Variants in PRRC2C observed in about 807,000 individuals in gnomAD.
The protein encoded by PRRC2C is protein PRRC2C.
A neutral mutation model predicts 317.2 loss-of-function variants in PRRC2C; 72 were observed. That is an observed-to-expected ratio of 0.23 (90% CI 0.19 to 0.28). PRRC2C has a LOEUF of 0.28. PRRC2C is among the 10% of genes least tolerant of loss of function. The pLI is 1.00. For missense variants in PRRC2C, 3,074 were observed against 3,459.7 expected (o/e 0.89, Z 2.80); for synonymous variants, 1,296 against 1,205.9 (o/e 1.07, Z -1.55).
intron 24 of PRRC2C, among the ~76,000 whole-genome samples, chr1:171,572,151 TA>T (rs903373973): frequency 2.0e-4 from 30 of 151,970 alleles, no homozygotes; most frequent in South Asian, 6.2e-4. Context: ...TTTTTTAATT[TA>T]AAAAAAAATT....
At position 171,540,675 on chromosome 1, in the gene PRRC2C, C is replaced by T; in HGVS notation, c.3209C>T (p.Pro1070Leu). ...CCTCCCCCACCACCACCTCAGCCACCAGCACCAATTCAGCCACAGTCAGTT... is the reference window on the plus strand; with the variant it reads ...CCTCCCCCACCACCACCTCAGCCACTAGCACCAATTCAGCCACAGTCAGTT... The part of the protein sequence containing the change: ...LPPPPPPPQP[P>L]APIQPQSVPP... Residue 1070 changes from proline (P) to leucine (L), a missense_variant, in exon 16 of 35, where the codon CCA becomes CTA. Pro to Leu is a moderately conservative substitution (Grantham distance 98, BLOSUM62 -3). Coordinates refer to ENST00000647382, the MANE Select transcript of PRRC2C (RefSeq NM_001387844.1). The T allele has an allele frequency of 3.1e-6, 5 of 1,613,976 alleles. No individual in the cohort carries two copies. Among genetic ancestry groups the T allele is most frequent in the South Asian group, 2.2e-5 (2 of 91,072 alleles).
At position 171,579,907 on chromosome 1, in the gene PRRC2C, C is replaced by G. The variant is rs745513806; in HGVS notation, c.7352C>G (p.Ala2451Gly). 5 of 1,598,352 alleles carry G rather than the reference C, an allele frequency of 3.1e-6. No homozygotes were observed. The highest frequency in any genetic ancestry group is 1.8e-5 in the Admixed American group (1 of 56,142). Residue 2451 changes from alanine (A) to glycine (G), a missense_variant, in exon 28 of 35, where the codon GCT becomes GGT. This residue lies in a region of PRRC2C where 490 missense variants were observed against 663.1 expected (regional missense o/e 0.74). Transcript: ENST00000647382. ...GQHQAQLSLGAGPAVSQAQEL... is the reference protein window; with the variant it reads ...GQHQAQLSLGGGPAVSQAQEL... ...CATCAAGCCCAACTGAGTTTGGGGG[C>G]TGGCCCTGCTGTTTCCCAGGCTCAG...
chr1:171,529,923 C>T (rs568318859), intron 11 of PRRC2C, among the ~76,000 whole-genome samples: 1 of 152,310 alleles, frequency 6.6e-6, no homozygotes, highest in South Asian at 2.1e-4. Context: ...TCTGTAATCA[C>T]CCTACTGTGA....
intron 10 of PRRC2C, among the ~76,000 whole-genome samples, 171 bp from the exon 11 acceptor site, chr1:171,527,620 G>C (rs899817761): frequency 6.6e-5 from 10 of 152,038 alleles, no homozygotes; most frequent in African/African-American, 2.4e-4. Flanking sequence ...CCCAGTTGTG[G>C]TGGCAGACGC....
chr1:171,585,293 A>G (rs1649610949), intron 30 of PRRC2C, among the ~76,000 whole-genome samples: 1 of 152,182 alleles, frequency 6.6e-6, no homozygotes, highest in African/African-American at 2.4e-5. Flanking sequence ...TATACATACA[A>G]CAGTGTGGCA....
At chr1:171,577,947 TTTC>T (rs1375765223) in intron 26 of PRRC2C, among the ~76,000 whole-genome samples, 1 of 94,762 alleles carries the variant, frequency 1.1e-5, no homozygotes, top group Non-Finnish European at 2.2e-5. Flanking sequence ...CCAGCTAATT[TTTC>T]TTTTTTTTTT....
At chr1:171,524,336 A>G (rs1185106032) in intron 9 of PRRC2C, among the ~76,000 whole-genome samples, 1 of 152,236 alleles carries the variant, frequency 6.6e-6, no homozygotes, top group African/African-American at 2.4e-5. Flanking sequence ...TTTAAAATAT[A>G]TGGAAGTTTG....
At chr1:171,511,035 A>G (rs1318917232) in intron 1 of PRRC2C, 1 of 152,174 alleles carries the variant, frequency 6.6e-6, no homozygotes, top group Non-Finnish European at 1.5e-5. Flanking sequence ...GAAATTTATA[A>G]AAGTAAAGTG....
At chr1:171,544,167 G>T (rs976431736) in intron 16 of PRRC2C, among the ~76,000 whole-genome samples, 18 of 152,114 alleles carry the variant, frequency 1.2e-4, no homozygotes, top group Admixed American at 6.5e-4. Flanking sequence ...CTGTCACCCA[G>T]GCTGGAGTGC....
chr1:171,485,541 T>G lies in PRRC2C; in HGVS notation c.-252T>G, dbSNP rs1190011974. On this transcript the variant is annotated 5_prime_UTR_variant, in exon 1 of 35. Coordinates refer to ENST00000647382, the MANE Select transcript of PRRC2C (RefSeq NM_001387844.1). ...GGGGCTGGCTAGCCGCCATCTTGCT[T>G]CTTTTTCTCGCTCGCTCGCTCCCCC... is the stretch of plus-strand genomic sequence containing the variant. 2 of 152,796 alleles carry G rather than the reference T, an allele frequency of 1.3e-5. No individual in the cohort carries two copies. Among genetic ancestry groups the G allele is most frequent in the Non-Finnish European group, 1.5e-5 (1 of 68,054 alleles). 9.5% of individuals were successfully genotyped at this position (152,796 alleles called of 1,614,324 possible). A position where few individuals can be genotyped will look rare whatever the true frequency, so the allele number is the denominator to read the frequency against.
intron 1 of PRRC2C, chr1:171,509,791 A>G (rs1390651183): frequency 7.3e-6 from 1 of 137,072 alleles, no homozygotes; most frequent in Non-Finnish European, 1.6e-5. Context: ...TTTTTATCCT[A>G]TTTCTAGAGA....
intron 24 of PRRC2C, among the ~76,000 whole-genome samples, chr1:171,573,803 C>T (rs1273958257): frequency 6.6e-6 from 1 of 150,928 alleles, no homozygotes; most frequent in Non-Finnish European, 1.5e-5. Context: ...CTCAGCCTCC[C>T]GAGTAGCTGG....
chr1:171,559,498 A>G (rs1281420844), intron 19 of PRRC2C, among the ~76,000 whole-genome samples: 1 of 146,286 alleles, frequency 6.8e-6, no homozygotes, highest in African/African-American at 2.5e-5. Context: ...ACAAAATGGC[A>G]TACCAAGTTT....
rs765121238 is a variant in PRRC2C, at chr1:171,536,012, G to A, written c.2044-17G>A. On this transcript the variant is annotated splice_polypyrimidine_tract_variant and intron_variant, in intron 13 of 34. Transcript: ENST00000647382. ...TGTGGAACTAAACTCTCAAGATATG[G>A]GATCTTACTTTTTCAGGAACAGATG... The A allele has an allele frequency of 9.7e-6, 15 of 1,551,764 alleles. No individual in the cohort carries two copies. The South Asian group carries it at 1.7e-4, about 17-fold the overall frequency.
rs574591972 is a variant in PRRC2C, at chr1:171,588,529, G to T, written c.8199+24G>T. The T allele has an allele frequency of 6.8e-6, 11 of 1,606,090 alleles. No individual in the cohort carries two copies. The South Asian group carries it at 1.1e-4, about 16-fold the overall frequency. On this transcript the variant is annotated intron_variant, in intron 33 of 34. Transcript: ENST00000647382. ...AGGTGGGCAGACATAATTAAGAAAT[G>T]AGTATTATTTACTTAAAAATAGTTG...
At chr1:171,521,711 T>C (rs1331528395) in intron 6 of PRRC2C, among the ~76,000 whole-genome samples, 2 of 152,188 alleles carry the variant, frequency 1.3e-5, no homozygotes, top group African/African-American at 4.8e-5. Context: ...TACTCCTGCT[T>C]ATGGAGGAAG....
At chr1:171,526,952 G>T (rs1487564700) in intron 10 of PRRC2C, among the ~76,000 whole-genome samples, 4 of 151,270 alleles carry the variant, frequency 2.6e-5, no homozygotes, top group Admixed American at 2.6e-4. Flanking sequence ...GGGATTACAG[G>T]CTCCTGCCCC....
In PRRC2C at chr1:171,535,771, C is replaced by T. The variant is rs1022716095; in HGVS notation, c.2043+174C>T. Among the ~76,000 whole-genome samples the T allele has an allele frequency of 2.2e-4, 33 of 152,112 alleles. 1 individual carries two copies. The highest frequency in any genetic ancestry group is 2.1e-4 in the South Asian group (1 of 4,826). ...TTTTACCTTGACCTTCTGTGTCATT[C>T]CTTTTGATCTTCTGCCTCATTTATA... On this transcript the variant is annotated intron_variant, in intron 13 of 34. Transcript: ENST00000647382.
chr1:171,506,433 G>A (rs902362199), intron 1 of PRRC2C, among the ~76,000 whole-genome samples: 5 of 151,906 alleles, frequency 3.3e-5, no homozygotes, highest in African/African-American at 9.7e-5. Flanking sequence ...GGTTCTTCAC[G>A]TTTCTTAGAC....
Sources: allele counts gnomAD v4.1 joint callset (sites outside exome capture counted in the v4.1 genomes callset), GRCh38; gene constraint gnomAD v4.1.1; regional missense constraint gnomAD v4.1.1; transcripts MANE v1.5; gene names NCBI Gene and HGNC (gene_info 2026-07-23, HGNC 2026-07-21).